PLPPR3: variants seen among roughly 807,000 people sequenced by gnomAD.
The protein encoded by PLPPR3 is phospholipid phosphatase related 3.
In PLPPR3, 14 loss-of-function variants were observed where a neutral mutation model predicts 27.3. The ratio of observed to expected loss-of-function variants is 0.51; its 90% confidence interval spans 0.34 to 0.80. The LOEUF (loss-of-function observed/expected upper bound fraction) is 0.80, where lower values mean the gene tolerates loss of function less well. Ranked by LOEUF, PLPPR3 falls within the 30% of genes least tolerant of loss-of-function variation. The pLI is 0.01. For synonymous variants in PLPPR3, 671 were observed against 508.0 expected (o/e 1.32, Z -4.32); for missense variants, 1,287 against 1,056.9 (o/e 1.22, Z -3.02).
At chr19:821,452 T>TGG in intron 2 of PLPPR3, 33 bp downstream of exon 2, 1 of 1,494,742 alleles carries the variant, frequency 6.7e-7, no homozygotes, top group Non-Finnish European at 8.9e-7. Context: ...AACCGAGGCG[T>TGG]CTCCCCCGGG....
At chr19:816,928 C>T (rs1315622817) in intron 2 of PLPPR3, among the ~76,000 whole-genome samples, 1 of 151,252 alleles carries the variant, frequency 6.6e-6, no homozygotes, top group Non-Finnish European at 1.5e-5. Flanking sequence ...ACCCATCCAC[C>T]CACCCACCCA....
chr19:822,362 T>C (rs573147446), upstream of PLPPR3, among the ~76,000 whole-genome samples: 1 of 142,886 alleles, frequency 7.0e-6, no homozygotes, highest in African/African-American at 2.6e-5. Context: ...TCTCGCCGGC[T>C]CCGACTGCCC....
upstream of PLPPR3, among the ~76,000 whole-genome samples, chr19:823,074 G>T (rs560601021): frequency 1.3e-5 from 2 of 151,392 alleles, no homozygotes; most frequent in Non-Finnish European, 2.9e-5. Flanking sequence ...AGCCGAGATC[G>T]TGCCACTGCA....
upstream of PLPPR3, among the ~76,000 whole-genome samples, chr19:822,661 C>G (rs7258800): frequency 0.42 from 64,267 of 152,034 alleles, 13,995 homozygotes; most frequent in African/African-American, 0.51. Flanking sequence ...CCCTCGGGAC[C>G]CGCACTCGGG....
At chr19:821,412 C>T in intron 2 of PLPPR3, 73 bp downstream of exon 2, 1 of 1,389,718 alleles carries the variant, frequency 7.2e-7, no homozygotes, top group South Asian at 1.3e-5. Context: ...GCTCCGGTCC[C>T]CCAGCGCGGG....
chr19:815,105 G>C (rs946132092), intron 4 of PLPPR3, 24 bp from the exon 5 acceptor site: 3 of 1,601,500 alleles, frequency 1.9e-6, no homozygotes, highest in Admixed American at 1.7e-5. Context: ...GGCTCGGCCA[G>C]GCGGGGAGCT....
chr19:823,459 C>CAAAAAAAAA (rs2035179611), upstream of PLPPR3, among the ~76,000 whole-genome samples: 5 of 89,146 alleles, frequency 5.6e-5, no homozygotes, highest in South Asian at 1.2e-3. Context: ...AAAAAAAAAA[C>CAAAAAAAAA]AAACAAACAG....
At chr19:816,974 C>CCCAT (rs1380322234) in intron 2 of PLPPR3, among the ~76,000 whole-genome samples, 2 of 146,738 alleles carry the variant, frequency 1.4e-5, no homozygotes, top group African/African-American at 2.5e-5. Flanking sequence ...CCATTGATCA[C>CCCAT]CCATCCATCC....
In PLPPR3 at chr19:813,697, T is replaced by G. The variant is rs571102633; in HGVS notation, c.1030A>C (p.Thr344Pro). ...GCGCGCTTCAGGCTGCCCAGCGAGG[T>G]CTTCTCGCGGGCCACGGGCCGGGGC... ...GAPRPVAREK[T>P]SLGSLKRASV... Residue 344 changes from threonine (T) to proline (P), a missense_variant, in exon 8 of 8, where the codon ACC (threonine) becomes CCC (proline). Coordinates refer to ENST00000520876, the MANE Select transcript of PLPPR3 (RefSeq NM_001270366.2). The surrounding 1 kb of genome is among the most constrained non-coding windows in gnomAD (Gnocchi z 4.1). 1 of 1,529,766 alleles carries G rather than the reference T, an allele frequency of 6.5e-7. No individual in the cohort carries two copies. Among genetic ancestry groups the G allele is most frequent in the East Asian group, 2.5e-5 (1 of 40,476 alleles). 94.8% of individuals were successfully genotyped at this position (1,529,766 alleles called of 1,614,324 possible).
Position 813,521 on chromosome 19 carries a change from C to A in PLPPR3, c.1206G>T (p.Ser402=). The change falls in exon 8 of 8, where the codon TCG becomes TCT. Residue 402 remains serine (S), a synonymous_variant. Coordinates refer to ENST00000520876, the MANE Select transcript of PLPPR3 (RefSeq NM_001270366.2). This position sits in a 1 kb window ranked among gnomAD's most constrained non-coding sequence, Gnocchi z 4.1. ...ACTCGCTGATGAGCTGCTTGGAGCG[C>A]GAGGCGTCCAGCGGCACGTGGATGG... ...HMTIHVPLDA[S]RSKQLISEWK... The A allele has an allele frequency of 1.9e-6, 3 of 1,559,514 alleles. No homozygotes were observed. In the South Asian group the frequency reaches 3.5e-5, roughly 18 times the overall value.
upstream of PLPPR3, among the ~76,000 whole-genome samples, chr19:822,739 C>A (rs1037077621): frequency 1.3e-5 from 2 of 152,222 alleles, no homozygotes; most frequent in African/African-American, 4.8e-5. Flanking sequence ...GGCTGGTTGA[C>A]CCCCGTTGTA....
At chr19:816,465 TC>T (rs2035058149) in intron 2 of PLPPR3, among the ~76,000 whole-genome samples, 1 of 140,898 alleles carries the variant, frequency 7.1e-6, no homozygotes, top group African/African-American at 2.6e-5. Context: ...CATCCAACCG[TC>T]CATCCATCCA....
chr19:822,785 G>T (rs1276134287), upstream of PLPPR3, among the ~76,000 whole-genome samples: 1 of 152,204 alleles, frequency 6.6e-6, no homozygotes, highest in Admixed American at 6.5e-5. Flanking sequence ...ACCCTGGGTC[G>T]CAATCCGAGG....
At position 814,678 on chromosome 19, in the gene PLPPR3, G is replaced by A; in HGVS notation, c.657+14C>T. On this transcript the variant is annotated intron_variant, in intron 6 of 7. Transcript: ENST00000520876. ...CAAGAGGGCCTGGGAAGGGCAGTGA[G>A]GGGCCGGACTCACCGACACATAGAC... 1 of 1,605,916 alleles carries A rather than the reference G, an allele frequency of 6.2e-7. No individual in the cohort carries two copies. Among genetic ancestry groups the A allele is most frequent in the Non-Finnish European group, 8.5e-7 (1 of 1,179,008 alleles).
rs769339066 is a variant in PLPPR3 at position 813,644 on chromosome 19, C to G, written c.1083G>C (p.Pro361=). The G allele has an allele frequency of 1.3e-6, 2 of 1,538,806 alleles. No homozygotes were observed. The highest frequency in any genetic ancestry group is 4.9e-5 in the East Asian group (2 of 40,620). ...TGTTCTCCTTGGCCATGGGGCTGCG[C>G]GGGGCCAGCAGGTCCACGTCCACGC... The part of the protein sequence containing the change: ...RASVDVDLLA[P]RSPMAKENMV... The change falls in exon 8 of 8, where the codon CCG becomes CCC. Residue 361 remains proline, a synonymous_variant. Transcript: ENST00000520876. This position sits in a 1 kb window ranked among gnomAD's most constrained non-coding sequence, Gnocchi z 4.1.
chr19:821,377 G>A, intron 2 of PLPPR3, 108 bp downstream of exon 2: 1 of 921,608 alleles, frequency 1.1e-6, no homozygotes, highest in Non-Finnish European at 1.5e-6. Context: ...CCCGCCCCGA[G>A]GCCACTGCCG....
intron 7 of PLPPR3, among the ~76,000 whole-genome samples, chr19:814,146 G>A (rs889659165): frequency 2.6e-5 from 4 of 151,626 alleles, no homozygotes; most frequent in Non-Finnish European, 5.9e-5. Context: ...ACCCCTTCGG[G>A]ACCCACGTCT....
intron 2 of PLPPR3, among the ~76,000 whole-genome samples, chr19:819,705 G>A (rs1019178656): frequency 5.3e-5 from 8 of 152,144 alleles, no homozygotes; most frequent in South Asian, 2.1e-4. Context: ...GTGAGGTAAC[G>A]GATTACAGGC....
rs1351659177 is a variant in PLPPR3 at position 812,985 on chromosome 19, A to C, written c.1742T>G (p.Val581Gly). The C allele has an allele frequency of 1.1e-5, 16 of 1,506,510 alleles. No individual in the cohort carries two copies. Among genetic ancestry groups the C allele is most frequent in the Non-Finnish European group, 1.3e-5 (15 of 1,134,826 alleles). The allele number at this position is 1,506,510 out of a possible 1,614,324, so 93.3% of individuals were successfully genotyped here. The change falls in exon 8 of 8, where the codon GTG (valine) becomes GGG (glycine). Residue 581 changes from valine (V) to glycine (G), a missense_variant. Transcript: ENST00000520876. ...SPSDRDSASI[V>G]TIDAHAPHHP... ...GTGCGGCGCGTGCGCGTCGATGGTC[A>C]CGATGCTGGCGGAGTCGCGGTCCGA...
Sources: gnomAD v4.1 joint callset for allele counts (sites outside exome capture counted in the v4.1 genomes callset) on GRCh38, gnomAD v4.1.1 for gene constraint, Gnocchi (gnomAD v3.1) non-coding constraint, MANE v1.5 for transcripts, NCBI Gene and HGNC (gene_info 2026-07-23, HGNC 2026-07-21) for gene names.